CRPPA: variants seen among roughly 807,000 people sequenced by gnomAD.
CRPPA encodes the protein D-ribitol-5-phosphate cytidylyltransferase.
A neutral mutation model predicts 52.0 loss-of-function variants in CRPPA; 43 were observed. That is an observed-to-expected ratio of 0.83 (90% CI 0.65 to 1.07). The LOEUF (loss-of-function observed/expected upper bound fraction) is 1.07. Ranked by LOEUF, CRPPA falls within the 50% of genes least tolerant of loss-of-function variation. The probability of loss-of-function intolerance (pLI) is 0.00; values close to 1 mark genes in which losing one functional copy is unlikely to be tolerated. For missense variants in CRPPA, 629 were observed against 551.7 expected (o/e 1.14, Z -1.40); for synonymous variants, 250 against 203.5 (o/e 1.23, Z -1.94).
chr7:16,306,057 A>G (rs1440076156), intron 4 of CRPPA, among the ~76,000 whole-genome samples: 2 of 152,158 alleles, frequency 1.3e-5, no homozygotes, highest in South Asian at 4.1e-4. Flanking sequence ...GTGTCACTCC[A>G]ATATCCACCT....
At chr7:16,138,751 T>C (rs2128374990) in intron 9 of CRPPA, among the ~76,000 whole-genome samples, 1 of 152,272 alleles carries the variant, frequency 6.6e-6, no homozygotes, top group African/African-American at 2.4e-5. Context: ...AAAATAGCTA[T>C]TAAACATTGT....
intron 2 of CRPPA, among the ~76,000 whole-genome samples, chr7:16,380,987 T>C (rs1216777207): frequency 6.6e-6 from 1 of 151,746 alleles, no homozygotes; most frequent in African/African-American, 2.4e-5. Flanking sequence ...TGTCTCTATT[T>C]CCTTCAGTTC....
chr7:16,095,955 C>T (rs541121574), intron 9 of CRPPA, among the ~76,000 whole-genome samples: 38 of 152,180 alleles, frequency 2.5e-4, no homozygotes, highest in Middle Eastern at 3.4e-3. Flanking sequence ...TTTTGAGGCC[C>T]CACTGTGCCA....
At chr7:16,407,409 A>T (rs1309539911) in intron 1 of CRPPA, among the ~76,000 whole-genome samples, 1 of 152,242 alleles carries the variant, frequency 6.6e-6, no homozygotes, top group Non-Finnish European at 1.5e-5. Flanking sequence ...GCATCACTGT[A>T]GAGTCAATAT....
chr7:16,399,237 G>A (rs116188375), intron 2 of CRPPA, among the ~76,000 whole-genome samples: 3,033 of 152,266 alleles, frequency 0.02, 95 homozygotes, highest in African/African-American at 0.07. Flanking sequence ...GTGATTGACA[G>A]GATTGAATCG....
At chr7:16,225,201 C>T (rs1334205613) in intron 8 of CRPPA, among the ~76,000 whole-genome samples, 1 of 151,844 alleles carries the variant, frequency 6.6e-6, no homozygotes, top group Non-Finnish European at 1.5e-5. Context: ...TGTTTCAAAT[C>T]CTTATTCAAA....
chr7:16,163,152 T>G (rs1222188534), intron 9 of CRPPA, among the ~76,000 whole-genome samples: 2 of 151,810 alleles, frequency 1.3e-5, no homozygotes, highest in Non-Finnish European at 2.9e-5. Context: ...TTTTTGTATT[T>G]TTTAGTAGAG....
At chr7:16,347,348 T>C (rs1166660198) in intron 3 of CRPPA, among the ~76,000 whole-genome samples, 1 of 152,148 alleles carries the variant, frequency 6.6e-6, no homozygotes, top group Non-Finnish European at 1.5e-5. Context: ...AGTAAGTATA[T>C]CTTTGTCCTA....
intron 9 of CRPPA, among the ~76,000 whole-genome samples, chr7:16,140,243 G>A (rs1388571350): frequency 1.3e-5 from 2 of 152,162 alleles, no homozygotes; most frequent in African/African-American, 4.8e-5. Context: ...CACCTCCGGG[G>A]ATCAAGTGAT....
At position 16,260,489 on chromosome 7, in the gene CRPPA, G is replaced by A. The variant is rs368055917; in HGVS notation, c.934-1477C>T. Among the ~76,000 whole-genome samples, 90 of 152,048 alleles carry A rather than the reference G, an allele frequency of 5.9e-4. 1 individual carries two copies. The South Asian group carries it at 7.5e-3, about 13-fold the overall frequency. On this transcript the variant is annotated intron_variant, in intron 6 of 9. Transcript: ENST00000407010. ...GGAAATTGGAATTCAGAAAAAAACC[G>A]AGTGCTACATTTTTGTTCTTGCTAC...
intron 5 of CRPPA, among the ~76,000 whole-genome samples, chr7:16,291,524 A>G (rs1784564528): frequency 6.6e-6 from 1 of 151,954 alleles, no homozygotes; most frequent in Non-Finnish European, 1.5e-5. Flanking sequence ...ACATAATGAA[A>G]GATAAAGAAA....
chr7:16,111,667 A>C (rs977632411), intron 9 of CRPPA, among the ~76,000 whole-genome samples: 1 of 152,198 alleles, frequency 6.6e-6, no homozygotes, highest in Non-Finnish European at 1.5e-5. Context: ...TAAGCCTGAC[A>C]CAGAAGACAA....
chr7:16,362,578 C>A (rs977039023), intron 3 of CRPPA, among the ~76,000 whole-genome samples: 1 of 152,092 alleles, frequency 6.6e-6, no homozygotes, highest in Non-Finnish European at 1.5e-5. Flanking sequence ...ATTATCCATG[C>A]TTTGAAAATA....
chr7:16,151,659 C>T (rs1339833672), intron 9 of CRPPA, among the ~76,000 whole-genome samples: 3 of 151,854 alleles, frequency 2.0e-5, no homozygotes, highest in Admixed American at 1.3e-4. Flanking sequence ...CTTCCATACG[C>T]TTTCTATTAA....
At chr7:16,150,790 T>C (rs1783062545) in intron 9 of CRPPA, among the ~76,000 whole-genome samples, 2 of 152,194 alleles carry the variant, frequency 1.3e-5, no homozygotes, top group South Asian at 2.1e-4. Flanking sequence ...AGTACTGAGA[T>C]GCCAGCAACT....
chr7:16,372,635 G>GA (rs908158023), intron 3 of CRPPA, among the ~76,000 whole-genome samples: 8 of 151,748 alleles, frequency 5.3e-5, no homozygotes, highest in Admixed American at 2.0e-4. Flanking sequence ...ATAACATAAT[G>GA]AAAAAAAGGA....
intron 8 of CRPPA, among the ~76,000 whole-genome samples, chr7:16,255,141 C>T (rs570906295): frequency 6.6e-6 from 1 of 152,204 alleles, no homozygotes; most frequent in Admixed American, 6.6e-5. Flanking sequence ...TTCCTATATA[C>T]CAATATCAGA....
At chr7:16,108,983 A>T (rs1261265669) in intron 9 of CRPPA, among the ~76,000 whole-genome samples, 2 of 151,912 alleles carry the variant, frequency 1.3e-5, no homozygotes, top group Non-Finnish European at 1.5e-5. Flanking sequence ...AAAAAGAAAA[A>T]AACATTTCAA....
intron 9 of CRPPA, among the ~76,000 whole-genome samples, chr7:16,185,692 T>G (rs560510075): frequency 3.9e-4 from 60 of 152,278 alleles, no homozygotes; most frequent in African/African-American, 1.4e-3. Flanking sequence ...TATTTTATAT[T>G]CCACTAGGGG....
Sources: allele counts gnomAD v4.1 joint callset (sites outside exome capture counted in the v4.1 genomes callset), GRCh38; gene constraint gnomAD v4.1.1; transcripts MANE v1.5; gene names NCBI Gene and HGNC (gene_info 2026-07-23, HGNC 2026-07-21).